Variants in CUBN observed in about 807,000 individuals in gnomAD.
The protein encoded by CUBN is cubilin, also known as 460 kDa receptor.
CUBN carries 282 observed loss-of-function variants against 405.3 expected under a neutral mutation model. The ratio of observed to expected loss-of-function variants is 0.70; its 90% CI spans 0.63 to 0.77. CUBN has a LOEUF of 0.77. Ranked by LOEUF, CUBN falls within the 30% of genes least tolerant of loss-of-function variation. The pLI, the probability that CUBN is intolerant of heterozygous loss-of-function variation, is 0.00. For missense variants in CUBN, 4,514 were observed against 4,475.2 expected (o/e 1.01, Z -0.25); for synonymous variants, 1,684 against 1,617.0 (o/e 1.04, Z -0.99).
At chr10:16,837,277 C>T (rs1408040169) in intron 62 of CUBN, among the ~76,000 whole-genome samples, 2 of 152,098 alleles carry the variant, frequency 1.3e-5, no homozygotes, top group East Asian at 1.9e-4. Flanking sequence ...ACCCATGCTC[C>T]ACAGTTCATT....
chr10:16,838,941 C>G (rs1310677807), intron 62 of CUBN, among the ~76,000 whole-genome samples: 2 of 152,192 alleles, frequency 1.3e-5, no homozygotes, highest in Non-Finnish European at 2.9e-5. Flanking sequence ...CCACCACACC[C>G]AGCCCTTTTC....
rs1243097100 is a variant in CUBN, at chr10:16,980,605, A to G, written c.4695+1879T>C. On this transcript the variant is annotated intron_variant, in intron 31 of 66. Transcript: ENST00000377833. Reference sequence around the variant, plus strand: ...CTAACACAGGAACAAAAAACCAAACACCGCATATTCTCACTCGTAAGTGGG... The same window carrying G: ...CTAACACAGGAACAAAAAACCAAACGCCGCATATTCTCACTCGTAAGTGGG... Among the ~76,000 whole-genome samples the G allele has an allele frequency of 2.0e-5, 3 of 152,080 alleles. No individual in the cohort carries two copies. In the East Asian group the frequency reaches 5.8e-4, roughly 30 times the overall value.
At chr10:17,087,472 C>CTT (rs775573918) in intron 15 of CUBN, among the ~76,000 whole-genome samples, 37 of 71,730 alleles carry the variant, frequency 5.2e-4, no homozygotes, top group African/African-American at 8.0e-4. Flanking sequence ...TTTTCTTTTT[C>CTT]TTTTTTTTTT....
chr10:16,862,189 C>CACACAT lies in CUBN; in HGVS notation c.9454+7441_9454+7446dup, dbSNP rs1413947495. On this transcript the variant is annotated intron_variant, in intron 59 of 66. Coordinates refer to ENST00000377833, the MANE Select transcript of CUBN (RefSeq NM_001081.4). ...ACACACACACACACACACACACACA[C>CACACAT]ACACATCACATCCCTGGGTATTTTT... Among the ~76,000 whole-genome samples the CACACAT allele has an allele frequency of 3.4e-3, 516 of 151,438 alleles. 6 individuals carry two copies. The highest frequency in any genetic ancestry group is 0.011 in the African/African-American group (459 of 41,232).
intron 56 of CUBN, among the ~76,000 whole-genome samples, chr10:16,882,277 C>G (rs950906868): frequency 2.0e-5 from 3 of 152,222 alleles, no homozygotes; most frequent in African/African-American, 4.8e-5. Context: ...ATTCTTAACT[C>G]TGTCTTCAAC....
rs774966324 is a variant in CUBN, at chr10:17,068,196, G to A, written c.2876C>T (p.Thr959Ile). Residue 959 changes from threonine to isoleucine, a missense_variant, in exon 21 of 67, where the codon ACT (threonine) becomes ATT (isoleucine). Thr to Ile is a moderately conservative substitution (Grantham distance 89, BLOSUM62 -1). Transcript: ENST00000377833. The part of the protein sequence containing the change: ...PNVYPHGINC[T>I]WHILVQPNHL... The stretch of plus-strand genomic sequence containing the variant: ...ATTAGGTTGGACTAATATATGCCAA[G>A]TACAGTTGATACCGTGGGGGTAGAC... 5 of 1,613,752 alleles carry A rather than the reference G, an allele frequency of 3.1e-6. No homozygotes were observed. Among genetic ancestry groups the A allele is most frequent in the African/African-American group, 1.3e-5 (1 of 75,016 alleles).
intron 59 of CUBN, among the ~76,000 whole-genome samples, chr10:16,862,160 T>TCTCTCACACACACACACA (rs144560387): frequency 9.1e-5 from 12 of 131,164 alleles, no homozygotes; most frequent in African/African-American, 3.9e-4. Flanking sequence ...TCTCTCTCTC[T>TCTCTCACACACACACACA]CACACACACA....
At chr10:16,849,248 C>G (rs1425745648) in intron 60 of CUBN, among the ~76,000 whole-genome samples, 1 of 151,926 alleles carries the variant, frequency 6.6e-6, no homozygotes, top group African/African-American at 2.4e-5. Flanking sequence ...GGATACTACA[C>G]TATTCCTGGT....
chr10:17,004,155 A>G (rs2131745032), intron 28 of CUBN, among the ~76,000 whole-genome samples: 1 of 152,124 alleles, frequency 6.6e-6, no homozygotes, highest in Admixed American at 6.6e-5. Flanking sequence ...GTCCGTGAAG[A>G]TTTTCCCCAA....
At chr10:17,129,358 T>A in intron 1 of CUBN, 108 bp from the exon 2 acceptor site, 1 of 1,312,564 alleles carries the variant, frequency 7.6e-7, no homozygotes, top group Non-Finnish European at 1.1e-6. Context: ...CATCTTCACT[T>A]TTTGATCATC....
In CUBN at chr10:16,947,301, G is replaced by A; in HGVS notation, c.5276C>T (p.Pro1759Leu). 5.0e-6 allele frequency: 8 copies of A among 1,613,878 alleles called. No homozygotes were observed. Among genetic ancestry groups the A allele is most frequent in the Non-Finnish European group, 6.8e-6 (8 of 1,179,798 alleles). ...GTTCCAGACACATTCCACATTAGGG[G>A]GATAAATGTCTGGGTAGCCAGGGCT... is the stretch of plus-strand genomic sequence containing the variant. ...FNSPGYPDIY[P>L]PNVECVWNIV... The change falls in exon 36 of 67, where the codon CCC becomes CTC. Residue 1759 changes from proline to leucine, a missense_variant. Pro to Leu is a moderately conservative substitution (Grantham distance 98). This residue lies in a region of CUBN where 1,613 missense variants were observed against 1,542.8 expected (regional missense o/e 1.05). Coordinates refer to ENST00000377833, the MANE Select transcript of CUBN (RefSeq NM_001081.4).
At chr10:16,860,930 G>T (rs1434984441) in intron 59 of CUBN, among the ~76,000 whole-genome samples, 1 of 152,168 alleles carries the variant, frequency 6.6e-6, no homozygotes, top group Middle Eastern at 3.2e-3. Flanking sequence ...AATCTGACCA[G>T]ATGATAGCAC....
At chr10:17,015,337 C>T (rs777033245) in intron 28 of CUBN, among the ~76,000 whole-genome samples, 9 of 152,146 alleles carry the variant, frequency 5.9e-5, no homozygotes, top group Admixed American at 5.2e-4. Context: ...GTAAATTGTT[C>T]CCCATATTCA....
At chr10:17,098,459 C>T (rs895176929) in intron 14 of CUBN, among the ~76,000 whole-genome samples, 1 of 152,190 alleles carries the variant, frequency 6.6e-6, no homozygotes, top group African/African-American at 2.4e-5. Flanking sequence ...TGAAAACTTA[C>T]AGCTAACATC....
At chr10:17,083,516 A>AATACATAAATACATACATACATAC (rs1554817719) in intron 17 of CUBN, among the ~76,000 whole-genome samples, 2 of 142,626 alleles carry the variant, frequency 1.4e-5, no homozygotes, top group African/African-American at 5.3e-5. Context: ...AAAATAAATA[A>AATACATAAATACATACATACATAC]ATACATACAT....
intron 60 of CUBN, among the ~76,000 whole-genome samples, chr10:16,843,241 AT>A (rs974834228): frequency 9.2e-5 from 14 of 152,204 alleles, no homozygotes; most frequent in Non-Finnish European, 1.8e-4. Context: ...CCTGAAACAC[AT>A]AACTAGAAAA....
At chr10:17,112,794 G>A (rs987388017) in intron 8 of CUBN, among the ~76,000 whole-genome samples, 2 of 151,966 alleles carry the variant, frequency 1.3e-5, no homozygotes, top group Non-Finnish European at 2.9e-5. Context: ...AGAAACTTGG[G>A]TTTCAATTCT....
intron 39 of CUBN, 133 bp from the exon 40 acceptor site, chr10:16,933,417 T>C (rs1042888372): frequency 1.1e-5 from 9 of 783,690 alleles, no homozygotes; most frequent in Non-Finnish European, 1.7e-5. Context: ...GAGAAATCAA[T>C]GAATATCGTA....
intron 6 of CUBN, chr10:17,122,532 T>C: frequency 1.9e-6 from 1 of 522,888 alleles, no homozygotes; most frequent in Non-Finnish European, 3.8e-6. Context: ...TTACTCTCTG[T>C]GCCAATCACG....
Sources: allele counts gnomAD v4.1 joint callset (sites outside exome capture counted in the v4.1 genomes callset), GRCh38; gene constraint gnomAD v4.1.1; regional missense constraint gnomAD v4.1.1; transcripts MANE v1.5; gene names NCBI Gene and HGNC (gene_info 2026-07-23, HGNC 2026-07-21).